Variants in GABRP observed in about 807,000 individuals in gnomAD.
GABRP encodes gamma-aminobutyric acid receptor subunit pi.
Under a neutral mutation model 47.8 loss-of-function variants are expected in GABRP, and 52 were observed. The ratio of observed to expected loss-of-function variants is 1.09; its 90% CI spans 0.87 to 1.37. The LOEUF (loss-of-function observed/expected upper bound fraction) is 1.37. GABRP is among the 40% of genes most tolerant of loss of function. GABRP has a pLI of 0.00. For missense variants in GABRP, 525 were observed against 542.8 expected, an observed-to-expected ratio of 0.97 and a Z score of 0.33; for synonymous variants, 221 against 205.8, an observed-to-expected ratio of 1.07 and a Z score of -0.63.
Position 170,788,562 on chromosome 5 carries a change from C to T in GABRP, c.-42-12C>T. 6.3e-7 allele frequency: 1 copy of T among 1,592,314 alleles called. No homozygotes were observed. Among genetic ancestry groups the T allele is most frequent in the South Asian group, 1.1e-5 (1 of 90,546 alleles). On this transcript the variant is annotated splice_polypyrimidine_tract_variant and intron_variant, in intron 1 of 9. Transcript: ENST00000265294. ...GCACGGCCTTCCACTTACCTTGCCC[C>T]CTGTTTCCCAGGTGATTCCTACTTC...
At position 170,789,116 on chromosome 5, in the gene GABRP, A is replaced by G. The variant is rs979046144; in HGVS notation, c.54-13A>G. ...TAAACAAGCAAACACAACAAAGCCC[A>G]TTTCTTTTCCAGGATGTGCATCCAG... On this transcript the variant is annotated splice_polypyrimidine_tract_variant and intron_variant, in intron 2 of 9. Coordinates refer to ENST00000265294, the MANE Select transcript of GABRP (RefSeq NM_014211.3). 1.2e-6 allele frequency: 2 copies of G among 1,604,910 alleles called. No individual in the cohort carries two copies. The highest frequency in any genetic ancestry group is 2.7e-5 in the African/African-American group (2 of 74,740).
Position 170,808,654 on chromosome 5 carries a change from T to C in GABRP, c.734T>C (p.Phe245Ser), listed in dbSNP as rs759516824. ...QFELRRNVLYFILETYVPSTF... is the reference protein window; with the variant it reads ...QFELRRNVLYSILETYVPSTF... ...GAGCTTCGGAGGAATGTTCTGTATTTCATTTTGGAAACCTACGTTCCTTCC... is the reference window on the plus strand; with the variant it reads ...GAGCTTCGGAGGAATGTTCTGTATTCCATTTTGGAAACCTACGTTCCTTCC... The change falls in exon 8 of 10, where the codon TTC (phenylalanine) becomes TCC (serine). Residue 245 changes from phenylalanine to serine, a missense_variant. Transcript: ENST00000265294. The C allele has an allele frequency of 1.2e-6, 2 of 1,613,972 alleles. No individual in the cohort carries two copies. Among genetic ancestry groups the C allele is most frequent in the Non-Finnish European group, 1.7e-6 (2 of 1,179,950 alleles).
chr5:170,790,642 A>G (rs2127251990), intron 3 of GABRP, among the ~76,000 whole-genome samples: 2 of 152,068 alleles, frequency 1.3e-5, no homozygotes, highest in South Asian at 4.2e-4. Flanking sequence ...AGAGGGAAGG[A>G]AGGGAGGTTG....
intron 5 of GABRP, among the ~76,000 whole-genome samples, chr5:170,796,446 A>G (rs1765431014): frequency 6.6e-6 from 1 of 152,186 alleles, no homozygotes; most frequent in Non-Finnish European, 1.5e-5. Context: ...CACAATCAAT[A>G]TTGTGTAAGG....
At chr5:170,787,324 C>T (rs1765152165) in intron 1 of GABRP, among the ~76,000 whole-genome samples, 1 of 152,332 alleles carries the variant, frequency 6.6e-6, no homozygotes, top group African/African-American at 2.4e-5. Context: ...CCCAGGGCTG[C>T]CTGAGAATGG....
At position 170,787,412 on chromosome 5, in the gene GABRP, T is replaced by C. The variant is rs557302472; in HGVS notation, c.-42-1162T>C. On this transcript the variant is annotated intron_variant, in intron 1 of 9. Coordinates refer to ENST00000265294, the MANE Select transcript of GABRP (RefSeq NM_014211.3). ...GCTGGCCTGCCTGGCTACCCCCTGC[T>C]CCCTCAGAGGGACGCCTGACAGCAG... Among the ~76,000 whole-genome samples the C allele has an allele frequency of 1.7e-3, 253 of 152,284 alleles. 1 individual carries two copies. The highest frequency in any genetic ancestry group is 5.9e-3 in the African/African-American group (247 of 41,554).
At position 170,812,146 on chromosome 5, in the gene GABRP, A is replaced by T. The variant is rs1475789350; in HGVS notation, c.1211A>T (p.Asp404Val). Residue 404 changes from aspartate (D) to valine (V), a missense_variant, in exon 10 of 10, where the codon GAT becomes GTT. By Grantham distance (152) the Asp-to-Val change is radical. Coordinates refer to ENST00000265294, the MANE Select transcript of GABRP (RefSeq NM_014211.3). ...CGAGAAAAGATGGGCAGGATTGTTG[A>T]TTATTTCACAATTCAAAACCCCAGT... The part of the protein sequence containing the change: ...VFREKMGRIV[D>V]YFTIQNPSNV... 6.2e-7 allele frequency: 1 copy of T among 1,614,018 alleles called. No homozygotes were observed. Among genetic ancestry groups the T allele is most frequent in the Non-Finnish European group, 8.5e-7 (1 of 1,180,006 alleles).
intron 9 of GABRP, chr5:170,810,221 A>G: frequency 2.3e-6 from 1 of 442,784 alleles, no homozygotes; most frequent in East Asian, 3.5e-5. Context: ...TTTTTCTGCT[A>G]ATTGAGAAAA....
rs1389386614 is a variant in GABRP at position 170,795,369 on chromosome 5, TG to T, written c.403del (p.Val135TrpfsTer59). On this transcript the variant is annotated frameshift_variant, in exon 5 of 10. Coordinates refer to ENST00000265294, the MANE Select transcript of GABRP (RefSeq NM_014211.3). LOFTEE classifies it high-confidence loss of function. Reference protein sequence around the residue: ...SKKSFLHEVTVGNRLIRLFSN... With the variant: ...SKKSFLHEVTXGNRLIRLFSN... ...AGAAGTCCTTCCTCCATGAAGTCACTGTGGGAAACAGGCTCATCCGCCTCTT... is the reference window on the plus strand; with the variant it reads ...AGAAGTCCTTCCTCCATGAAGTCACTTGGGAAACAGGCTCATCCGCCTCTT... The T allele has an allele frequency of 1.2e-6, 2 of 1,613,954 alleles. No homozygotes were observed. The highest frequency in any genetic ancestry group is 1.7e-6 in the Non-Finnish European group (2 of 1,180,006).
chr5:170,805,759 G>A lies in GABRP; in HGVS notation c.585G>A (p.Gly195=). 1 of 1,614,196 alleles carries A rather than the reference G, an allele frequency of 6.2e-7. No homozygotes were observed. The highest frequency in any genetic ancestry group is 8.5e-7 in the Non-Finnish European group (1 of 1,180,034). The change falls in exon 7 of 10, where the codon GGG becomes GGA. Residue 195 remains glycine, a synonymous_variant. Transcript: ENST00000265294. ...ATGTGGAGTTCACCTGGCTGAGAGG[G>A]AACGACTCTGTGCGTGGACTGGAAC... ...GNDVEFTWLR[G]NDSVRGLEHL...
At chr5:170,786,177 G>C (rs3929011) in intron 1 of GABRP, among the ~76,000 whole-genome samples, 2 of 151,886 alleles carry the variant, frequency 1.3e-5, no homozygotes, top group African/African-American at 2.4e-5. Context: ...ATTGAATGAG[G>C]CAATGGAGGG....
At chr5:170,791,138 T>A (rs1452107751) in intron 3 of GABRP, among the ~76,000 whole-genome samples, 3 of 152,332 alleles carry the variant, frequency 2.0e-5, no homozygotes, top group South Asian at 4.1e-4. Flanking sequence ...GCCTACTCAC[T>A]GGCCAACAAG....
intron 1 of GABRP, among the ~76,000 whole-genome samples, chr5:170,786,132 T>G (rs745427354): frequency 1.1e-4 from 17 of 152,198 alleles, no homozygotes; most frequent in Non-Finnish European, 2.4e-4. Context: ...TTCACATGCC[T>G]GGTTCACAGG....
At chr5:170,783,234 G>A (rs1765050685), upstream of GABRP, among the ~76,000 whole-genome samples, 1 of 152,108 alleles carries the variant, frequency 6.6e-6, no homozygotes, top group Non-Finnish European at 1.5e-5. Context: ...CTAGGTCCTG[G>A]GATATGAAAG....
intron 6 of GABRP, among the ~76,000 whole-genome samples, chr5:170,805,008 TTA>T (rs1381261556): frequency 6.8e-6 from 1 of 146,838 alleles, no homozygotes; most frequent in African/African-American, 2.5e-5. Context: ...ATTATATATA[TTA>T]TATATATTAT....
At chr5:170,788,784 A>T in intron 2 of GABRP, 116 bp downstream of exon 2, 1 of 929,662 alleles carries the variant, frequency 1.1e-6, no homozygotes, top group East Asian at 2.4e-5. Flanking sequence ...CGGTCCACTC[A>T]CTTCCCTGGA....
intron 6 of GABRP, among the ~76,000 whole-genome samples, chr5:170,798,794 T>TTA (rs992916098): frequency 3.9e-5 from 6 of 152,196 alleles, no homozygotes; most frequent in Admixed American, 1.3e-4. Flanking sequence ...TTTTTTTGTT[T>TTA]TATATATATA....
At chr5:170,799,150 T>A (rs910579999) in intron 6 of GABRP, among the ~76,000 whole-genome samples, 2 of 152,230 alleles carry the variant, frequency 1.3e-5, no homozygotes, top group Non-Finnish European at 2.9e-5. Context: ...ATGGTGTGTA[T>A]GTGCCACATT....
At position 170,812,839 on chromosome 5, in the gene GABRP, C is replaced by A. The variant is rs1765928149; in HGVS notation, c.*581C>A. 6.6e-6 allele frequency: 1 copy of A among 152,022 alleles called. No individual in the cohort carries two copies. Among genetic ancestry groups the A allele is most frequent in the South Asian group, 2.1e-4 (1 of 4,804 alleles). The allele number at this position is 152,022 out of a possible 1,614,324, so 9.4% of individuals were successfully genotyped here. ...TATTTAATACCACAACAGAATTATC[C>A]CCAATTTCCAATAAGTCCTATCATT... On this transcript the variant is annotated 3_prime_UTR_variant, in exon 10 of 10. Transcript: ENST00000265294.
Sources: allele counts gnomAD v4.1 joint callset (sites outside exome capture counted in the v4.1 genomes callset), GRCh38; gene constraint gnomAD v4.1.1; transcripts MANE v1.5; gene names NCBI Gene and HGNC (gene_info 2026-07-23, HGNC 2026-07-21).